Variants in GPAT3 observed in about 807,000 individuals in gnomAD.
The protein encoded by GPAT3 is glycerol-3-phosphate acyltransferase 3.
In GPAT3, 53 loss-of-function variants were observed where a neutral mutation model predicts 58.8. The observed-to-expected ratio is 0.90, with a 90% CI of 0.72 to 1.13. The LOEUF (loss-of-function observed/expected upper bound fraction) is 1.13. GPAT3 is among the 50% of genes most tolerant of loss of function. The pLI is 0.00. For synonymous variants in GPAT3, 197 were observed against 187.4 expected, an observed-to-expected ratio of 1.05 and a Z score of -0.42; for missense variants, 511 against 527.6, an observed-to-expected ratio of 0.97 and a Z score of 0.31.
rs1560621351 is a variant in GPAT3 at position 83,579,074 on chromosome 4, CT to C, written c.209-2485del. ...TCTTTCTTTCTTTCTTTCTTTCTTTCTTTCTTCCCTTCCTTCCTTCCTTCCT... is the reference window on the plus strand; with the variant it reads ...TCTTTCTTTCTTTCTTTCTTTCTTTCTTCTTCCCTTCCTTCCTTCCTTCCT... On this transcript the variant is annotated intron_variant, in intron 2 of 11. Transcript: ENST00000264409. Among the ~76,000 whole-genome samples, 244 of 30,060 alleles carry C rather than the reference CT, an allele frequency of 8.1e-3. 2 individuals carry two copies. The highest frequency in any genetic ancestry group is 0.025 in the South Asian group (16 of 644). 19.7% of individuals were successfully genotyped at this position (30,060 alleles called of 152,430 possible).
intron 1 of GPAT3, 149 bp downstream of exon 1, chr4:83,536,912 T>A: frequency 1.3e-6 from 1 of 743,504 alleles, no homozygotes; most frequent in Non-Finnish European, 2.1e-6. Flanking sequence ...CCCGCAGCAG[T>A]GCGAAAGTCA....
intron 9 of GPAT3, 115 bp downstream of exon 9, chr4:83,597,630 G>A (rs1201106300): frequency 1.9e-5 from 13 of 669,680 alleles, no homozygotes; most frequent in East Asian, 3.1e-5. Context: ...ACCAGTTTTC[G>A]GATGCACCAG....
intron 2 of GPAT3, among the ~76,000 whole-genome samples, chr4:83,568,888 A>G (rs1725505108): frequency 5.9e-5 from 9 of 152,144 alleles, no homozygotes; most frequent in Admixed American, 5.9e-4. Context: ...AATAACCACA[A>G]AACTGCCTAA....
chr4:83,550,254 A>T (rs1380762274), intron 2 of GPAT3, among the ~76,000 whole-genome samples: 1 of 151,726 alleles, frequency 6.6e-6, no homozygotes, highest in Non-Finnish European at 1.5e-5. Context: ...GCTGGTCTTG[A>T]ACTCCTGGGC....
intron 2 of GPAT3, among the ~76,000 whole-genome samples, chr4:83,549,887 T>A (rs986009917): frequency 6.6e-6 from 1 of 151,924 alleles, no homozygotes; most frequent in Admixed American, 6.6e-5. Context: ...CAAACCTGGC[T>A]AATTTTTGTA....
intron 3 of GPAT3, 39 bp from the exon 4 acceptor site, chr4:83,587,216 G>C (rs1277346283): frequency 6.4e-7 from 1 of 1,554,704 alleles, no homozygotes; most frequent in South Asian, 1.1e-5. Flanking sequence ...TCCATGCTAT[G>C]TGTCAAAATC....
chr4:83,540,656 C>G (rs1414610356), intron 1 of GPAT3, among the ~76,000 whole-genome samples: 6 of 152,206 alleles, frequency 3.9e-5, no homozygotes, highest in Non-Finnish European at 7.4e-5. Context: ...TATGGCCACC[C>G]TTGGTATTGT....
chr4:83,536,048 C>A, upstream of GPAT3: 1 of 985,386 alleles, frequency 1.0e-6, no homozygotes, highest in South Asian at 4.7e-5. Flanking sequence ...CGTTGGGTGA[C>A]GGAGGAGGTG....
upstream of GPAT3, chr4:83,535,982 G>C (rs974514120): frequency 8.1e-6 from 8 of 985,370 alleles, no homozygotes; most frequent in Non-Finnish European, 9.6e-6. Flanking sequence ...GGGAAGAACG[G>C]AGACCGCCCA....
At chr4:83,593,166 C>CTTTTTTTTTTTTTTTTT (rs761351611) in intron 6 of GPAT3, among the ~76,000 whole-genome samples, 1 of 112,372 alleles carries the variant, frequency 8.9e-6, no homozygotes. Flanking sequence ...CGAGCCAGGA[C>CTTTTTTTTTTTTTTTTT]TTTTTTTTTT....
chr4:83,537,926 G>T (rs779726655), intron 1 of GPAT3, among the ~76,000 whole-genome samples: 22 of 152,092 alleles, frequency 1.4e-4, no homozygotes, highest in Non-Finnish European at 2.9e-4. Context: ...TATAAAATAG[G>T]AGTAACAATA....
At position 83,538,028 on chromosome 4, in the gene GPAT3, A is replaced by G. The variant is rs572254771; in HGVS notation, c.141+1265A>G. 2.0e-5 allele frequency among the ~76,000 whole-genome samples: 3 copies of G among 152,292 alleles called. No individual in the cohort carries two copies. In the South Asian group the frequency reaches 6.2e-4, roughly 32 times the overall value. ...ACCTACTGTATGAATGCTTGTTGCT[A>G]TTAAAAGAATAATATGATTACTGAG... On this transcript the variant is annotated intron_variant, in intron 1 of 11. Coordinates refer to ENST00000264409, the MANE Select transcript of GPAT3 (RefSeq NM_032717.5).
intron 5 of GPAT3, among the ~76,000 whole-genome samples, chr4:83,589,189 TAA>T (rs1429043192): frequency 6.6e-6 from 1 of 152,240 alleles, no homozygotes; most frequent in Non-Finnish European, 1.5e-5. Flanking sequence ...ACTTATTACA[TAA>T]AGAGGAGTTC....
At chr4:83,550,231 C>G (rs1724704393) in intron 2 of GPAT3, among the ~76,000 whole-genome samples, 1 of 151,864 alleles carries the variant, frequency 6.6e-6, no homozygotes, top group Non-Finnish European at 1.5e-5. Flanking sequence ...CTAGGTTTCA[C>G]CATGTTGCCC....
At chr4:83,550,581 T>C (rs1186260634) in intron 2 of GPAT3, among the ~76,000 whole-genome samples, 1 of 152,232 alleles carries the variant, frequency 6.6e-6, no homozygotes, top group Non-Finnish European at 1.5e-5. Context: ...CAAAATCTCA[T>C]GTCTTTTAAT....
At chr4:83,583,667 GAAAAAAAAAAA>G (rs749976752) in intron 3 of GPAT3, among the ~76,000 whole-genome samples, 12 of 23,478 alleles carry the variant, frequency 5.1e-4, no homozygotes, top group East Asian at 1.4e-3. Context: ...ACTCTTGTCT[GAAAAAAAAAAA>G]AAAAAAAAAA....
intron 2 of GPAT3, among the ~76,000 whole-genome samples, chr4:83,579,081 C>CCTTCCTTCCTTCCTTCCTTCCTT (rs1560621462): frequency 2.5e-4 from 5 of 19,678 alleles, no homozygotes; most frequent in African/African-American, 9.2e-4. Context: ...TTTCTTTCTT[C>CCTTCCTTCCTTCCTTCCTTCCTT]CCTTCCTTCC....
Position 83,552,057 on chromosome 4 carries a change from C to T in GPAT3, c.208+7455C>T, listed in dbSNP as rs1317949033. Among the ~76,000 whole-genome samples the T allele has an allele frequency of 2.0e-5, 3 of 152,056 alleles. No homozygotes were observed. The East Asian group carries it at 5.8e-4, about 29-fold the overall frequency. ...GGATGTGATTTGATGGTTATCTGCTCCAAAACACAGCTCCATTCAGCCTGA... is the reference window on the plus strand; with the variant it reads ...GGATGTGATTTGATGGTTATCTGCTTCAAAACACAGCTCCATTCAGCCTGA... On this transcript the variant is annotated intron_variant, in intron 2 of 11. Coordinates refer to ENST00000264409, the MANE Select transcript of GPAT3 (RefSeq NM_032717.5).
At chr4:83,542,316 G>T (rs1245546292) in intron 1 of GPAT3, among the ~76,000 whole-genome samples, 1 of 152,230 alleles carries the variant, frequency 6.6e-6, no homozygotes. Context: ...TATGGAAACA[G>T]TTACCTCAGT....
Sources: allele counts gnomAD v4.1 joint callset (sites outside exome capture counted in the v4.1 genomes callset), GRCh38; gene constraint gnomAD v4.1.1; transcripts MANE v1.5; gene names NCBI Gene and HGNC (gene_info 2026-07-23, HGNC 2026-07-21).